NUP214: variants seen among roughly 807,000 people sequenced by gnomAD.
The protein encoded by NUP214 is nuclear pore complex protein Nup214.
Under a neutral mutation model 196.2 loss-of-function variants are expected in NUP214, and 79 were observed. The ratio of observed to expected loss-of-function variants is 0.40; its 90% CI spans 0.34 to 0.49. The LOEUF (loss-of-function observed/expected upper bound fraction) is 0.49, where lower values mean the gene tolerates loss of function less well. Ranked by LOEUF, NUP214 falls within the 20% of genes least tolerant of loss-of-function variation. The probability of loss-of-function intolerance (pLI) is 0.58; values close to 1 mark genes in which losing one functional copy is unlikely to be tolerated. For missense variants in NUP214, 2,468 were observed against 2,539.0 expected (o/e 0.97, Z 0.60); for synonymous variants, 1,020 against 990.5 (o/e 1.03, Z -0.56).
rs1451776007 is a variant in NUP214, at chr9:131,146,181, C to G, written c.1822C>G (p.Pro608Ala). The change falls in exon 13 of 36, where the codon CCG (proline) becomes GCG (alanine). Residue 608 changes from proline to alanine, a missense_variant. Coordinates refer to ENST00000359428, the MANE Select transcript of NUP214 (RefSeq NM_005085.4). This position sits in a 1 kb window ranked among gnomAD's most constrained non-coding sequence, Gnocchi z 4.6. Reference sequence around the variant, plus strand: ...TGTTAGTAGCTCCCAGAGCGCACCCCCGATGTCGCCATTCTCTTCTGCCTC... The same window carrying G: ...TGTTAGTAGCTCCCAGAGCGCACCCGCGATGTCGCCATTCTCTTCTGCCTC... ...TPVSSSQSAPPMSPFSSASKP... is the reference protein window; with the variant it reads ...TPVSSSQSAPAMSPFSSASKP... 1.2e-6 allele frequency: 2 copies of G among 1,614,134 alleles called. No individual in the cohort carries two copies. Among genetic ancestry groups the G allele is most frequent in the East Asian group, 4.5e-5 (2 of 44,872 alleles).
At chr9:131,165,669 G>C (rs1832766961) in intron 21 of NUP214, among the ~76,000 whole-genome samples, 1 of 152,208 alleles carries the variant, frequency 6.6e-6, no homozygotes, top group African/African-American at 2.4e-5. Context: ...AGATACTTTT[G>C]TATCCATGCT....
chr9:131,132,229 C>A (rs942333000), intron 5 of NUP214, among the ~76,000 whole-genome samples: 1 of 148,130 alleles, frequency 6.8e-6, no homozygotes, highest in South Asian at 2.1e-4. Flanking sequence ...AAGCAGTTCT[C>A]CTGCCTCAGC....
chr9:131,203,346 G>A (rs1050031678), intron 30 of NUP214, among the ~76,000 whole-genome samples: 1 of 152,134 alleles, frequency 6.6e-6, no homozygotes, highest in African/African-American at 2.4e-5. Flanking sequence ...GACACCGAAG[G>A]CCCAGAGAGG....
chr9:131,187,100 A>G, intron 24 of NUP214, 189 bp from the exon 25 acceptor site: 1 of 570,328 alleles, frequency 1.8e-6, no homozygotes, highest in South Asian at 2.2e-5. Context: ...CTTTCATGCT[A>G]AAAACCCAAA....
At chr9:131,128,221 G>A in intron 2 of NUP214, 111 bp from the exon 3 acceptor site, 1 of 757,556 alleles carries the variant, frequency 1.3e-6, no homozygotes, top group Non-Finnish European at 2.1e-6. Flanking sequence ...GTATTGGGGT[G>A]TATGTGTGTT....
intron 28 of NUP214, among the ~76,000 whole-genome samples, chr9:131,195,966 G>T (rs1833765973): frequency 8.1e-6 from 1 of 123,546 alleles, no homozygotes; most frequent in African/African-American, 3.0e-5. Flanking sequence ...CAAGGTTGCA[G>T]TGAGCCAAGA....
intron 30 of NUP214, among the ~76,000 whole-genome samples, chr9:131,210,488 A>C (rs540958599): frequency 6.6e-6 from 1 of 152,194 alleles, no homozygotes; most frequent in African/African-American, 2.4e-5. Flanking sequence ...ATTAGCCGGC[A>C]TGGTGGCGCG....
Position 131,198,702 on chromosome 9 carries a change from G to A in NUP214, c.5208G>A (p.Ala1736=), listed in dbSNP as rs148161611. The stretch of plus-strand genomic sequence containing the variant: ...AGGCCTCAGTCTTTGGGCAGTCGGC[G>A]AGCAGTGCTGCAAGTGTCTTTTCCT... ...FGQASVFGQS[A]SSAASVFSFS... The change falls in exon 29 of 36, where the codon GCG becomes GCA. Residue 1736 remains alanine (A), a synonymous_variant. Transcript: ENST00000359428. 2.8e-5 allele frequency: 46 copies of A among 1,614,038 alleles called. No individual in the cohort carries two copies. The highest frequency in any genetic ancestry group is 1.3e-4 in the South Asian group (12 of 91,086).
At chr9:131,203,652 G>C (rs1834000073) in intron 30 of NUP214, among the ~76,000 whole-genome samples, 1 of 152,074 alleles carries the variant, frequency 6.6e-6, no homozygotes, top group Non-Finnish European at 1.5e-5. Context: ...TCCAGTTTCT[G>C]GTAGTAGAGG....
chr9:131,186,974 G>T, intron 24 of NUP214: 1 of 246,984 alleles, frequency 4.0e-6, no homozygotes. Context: ...CAGGGGGAAG[G>T]GCCAGGGAGG....
Position 131,159,406 on chromosome 9 carries a change from T to C in NUP214, c.2460T>C (p.Tyr820=), listed in dbSNP as rs773542290. Residue 820 remains tyrosine, a synonymous_variant, in exon 18 of 36, where the codon TAT becomes TAC. Coordinates refer to ENST00000359428, the MANE Select transcript of NUP214 (RefSeq NM_005085.4). ...AGGAAATTCGGCGCCTTCATCAGTA[T>C]GTGAAATTTGCTGTCCAAGATGTGA... ...QLQEIRRLHQ[Y]VKFAVQDVND... 5.6e-5 allele frequency: 91 copies of C among 1,613,890 alleles called. No homozygotes were observed. Among genetic ancestry groups the C allele is most frequent in the Non-Finnish European group, 7.7e-5 (91 of 1,179,980 alleles).
chr9:131,188,766 T>TA (rs1833522960), intron 25 of NUP214, among the ~76,000 whole-genome samples: 1 of 152,258 alleles, frequency 6.6e-6, no homozygotes, highest in South Asian at 2.1e-4. Context: ...TTTGATGTGC[T>TA]AAGCACTGTG....
intron 4 of NUP214, among the ~76,000 whole-genome samples, chr9:131,130,269 GA>G (rs1428325396): frequency 6.7e-6 from 1 of 149,138 alleles, no homozygotes; most frequent in East Asian, 2.0e-4. Context: ...TCAGACTCCA[GA>G]GTAGTTGGGA....
intron 24 of NUP214, among the ~76,000 whole-genome samples, chr9:131,182,335 T>C (rs1333986562): frequency 2.6e-5 from 4 of 152,216 alleles, no homozygotes; most frequent in African/African-American, 9.7e-5. Context: ...ACACAGCAGG[T>C]GAGCGGCAGG....
Position 131,198,917 on chromosome 9 carries a change from A to T in NUP214, c.5423A>T (p.Gln1808Leu), listed in dbSNP as rs1833872427. Reference protein sequence around the residue: ...FGQSNAPAFGQSPGFGQGGSV... With the variant: ...FGQSNAPAFGLSPGFGQGGSV... The stretch of plus-strand genomic sequence containing the variant: ...CAAAGCAACGCTCCTGCTTTTGGGC[A>T]GAGTCCTGGCTTTGGACAGGGAGGC... The change falls in exon 29 of 36, where the codon CAG (glutamine) becomes CTG (leucine). Residue 1808 changes from glutamine to leucine, a missense_variant. By Grantham distance (113) the Gln-to-Leu change is moderately radical (BLOSUM62 -2). Coordinates refer to ENST00000359428, the MANE Select transcript of NUP214 (RefSeq NM_005085.4). 1 of 1,614,102 alleles carries T rather than the reference A, an allele frequency of 6.2e-7. No homozygotes were observed. The highest frequency in any genetic ancestry group is 8.5e-7 in the Non-Finnish European group (1 of 1,180,038).
intron 16 of NUP214, among the ~76,000 whole-genome samples, chr9:131,151,434 G>C (rs1482262758): frequency 1.3e-5 from 2 of 152,170 alleles, no homozygotes; most frequent in East Asian, 3.8e-4. Context: ...TTTGGAAAGA[G>C]GCAAGTTCTT....
intron 14 of NUP214, 108 bp downstream of exon 14, chr9:131,147,692 G>A: frequency 1.2e-6 from 1 of 842,050 alleles, no homozygotes; most frequent in Non-Finnish European, 1.9e-6. Flanking sequence ...CTTGGACATA[G>A]TAATTGGGAC....
chr9:131,229,572 C>G (rs1439345898), intron 33 of NUP214: 2 of 406,506 alleles, frequency 4.9e-6, no homozygotes, highest in Non-Finnish European at 9.6e-6. Context: ...GGCTCTCACA[C>G]AAATCCCGAT....
intron 23 of NUP214, 122 bp downstream of exon 23, chr9:131,175,743 A>T: frequency 7.4e-7 from 1 of 1,354,820 alleles, no homozygotes; most frequent in Non-Finnish European, 9.7e-7. Context: ...GAGAAGATTG[A>T]TGTGACAGCC....
Sources: allele counts gnomAD v4.1 joint callset (sites outside exome capture counted in the v4.1 genomes callset), GRCh38; gene constraint gnomAD v4.1.1; non-coding constraint Gnocchi (gnomAD v3.1); transcripts MANE v1.5; gene names NCBI Gene and HGNC (gene_info 2026-07-23, HGNC 2026-07-21).